The following MYO1D variants were observed in gnomAD, a reference collection of about 807,000 sequenced individuals.
MYO1D encodes the protein myosin ID, also known as unconventional myosin-Id.
MYO1D carries 83 observed loss-of-function variants against 122.0 expected under a neutral mutation model. The ratio of observed to expected loss-of-function variants is 0.68; its 90% CI spans 0.57 to 0.82. The LOEUF is 0.82. Among genes scored for constraint, MYO1D ranks in the 40% least tolerant of loss-of-function variants. The pLI is 0.00. For synonymous variants in MYO1D, 464 were observed against 446.9 expected, an observed-to-expected ratio of 1.04 and a Z score of -0.48; for missense variants, 1,157 against 1,269.5, an observed-to-expected ratio of 0.91 and a Z score of 1.35.
chr17:32,646,206 A>T (rs1461174688), intron 19 of MYO1D, among the ~76,000 whole-genome samples: 1 of 152,232 alleles, frequency 6.6e-6, no homozygotes. Context: ...AAATACTTTT[A>T]ACTATGAAAC....
chr17:32,802,570 AGAGT>A (rs2090469804), intron 1 of MYO1D, among the ~76,000 whole-genome samples: 1 of 152,332 alleles, frequency 6.6e-6, no homozygotes, highest in African/African-American at 2.4e-5. Flanking sequence ...TCTGTGGTTA[AGAGT>A]TAGTTTGACT....
chr17:32,744,869 T>C (rs921324549), intron 13 of MYO1D, among the ~76,000 whole-genome samples: 2 of 152,180 alleles, frequency 1.3e-5, no homozygotes, highest in African/African-American at 4.8e-5. Flanking sequence ...TATGCAAAAC[T>C]TCTAGCTGGG....
rs954925492 is a variant in MYO1D, at chr17:32,620,324, C to T, written c.2710-15083G>A. On this transcript the variant is annotated intron_variant, in intron 20 of 21. Coordinates refer to ENST00000318217, the MANE Select transcript of MYO1D (RefSeq NM_015194.3). Reference sequence around the variant, plus strand: ...GTGGAGGGCTAGGCTTTTCACTAGGCCTTTGCTGATGAGAGGTGGAGGTAT... The same window carrying T: ...GTGGAGGGCTAGGCTTTTCACTAGGTCTTTGCTGATGAGAGGTGGAGGTAT... Among the ~76,000 whole-genome samples, 3 of 152,136 alleles carry T rather than the reference C, an allele frequency of 2.0e-5. No homozygotes were observed. The East Asian group carries it at 5.8e-4, about 29-fold the overall frequency.
chr17:32,663,586 C>T (rs952081601), intron 16 of MYO1D, among the ~76,000 whole-genome samples: 4 of 152,134 alleles, frequency 2.6e-5, no homozygotes, highest in African/African-American at 9.7e-5. Flanking sequence ...GGAGCTTTTC[C>T]TTGGTTCGGC....
Position 32,557,603 on chromosome 17 carries a change from T to A in MYO1D, c.2864+47484A>T, listed in dbSNP as rs1195098712. ...GTCTCAACCTCACAGGTTCAAGCGA[T>A]CCTCCCGTTACCCACCCTCACCCCC... On this transcript the variant is annotated intron_variant, in intron 21 of 21. Coordinates refer to ENST00000318217, the MANE Select transcript of MYO1D (RefSeq NM_015194.3). 3.3e-5 allele frequency among the ~76,000 whole-genome samples: 5 copies of A among 151,928 alleles called. No homozygotes were observed. In the East Asian group the frequency reaches 9.7e-4, roughly 30 times the overall value.
intron 16 of MYO1D, among the ~76,000 whole-genome samples, chr17:32,691,998 T>C (rs1300750199): frequency 6.6e-6 from 1 of 152,202 alleles, no homozygotes; most frequent in Non-Finnish European, 1.5e-5. Flanking sequence ...CATATTTTTG[T>C]TCAGTTTTCT....
At chr17:32,698,394 CTTTTT>C (rs541546243) in intron 16 of MYO1D, among the ~76,000 whole-genome samples, 141 of 109,498 alleles carry the variant, frequency 1.3e-3, no homozygotes, top group Middle Eastern at 7.8e-3. Context: ...TCCTTCTTTT[CTTTTT>C]TAAGGACAAA....
chr17:32,828,072 A>G (rs369228526), intron 1 of MYO1D, among the ~76,000 whole-genome samples: 1 of 152,354 alleles, frequency 6.6e-6, no homozygotes, highest in East Asian at 1.9e-4. Context: ...GCACAATGAA[A>G]AACACTTCAA....
chr17:32,591,558 G>A (rs2087438733), intron 21 of MYO1D, among the ~76,000 whole-genome samples: 1 of 151,822 alleles, frequency 6.6e-6, no homozygotes, highest in African/African-American at 2.4e-5. Context: ...CCTTTTCTCT[G>A]AGCCTCAGCC....
chr17:32,520,915 G>A (rs1365370550), intron 21 of MYO1D, among the ~76,000 whole-genome samples: 3 of 152,210 alleles, frequency 2.0e-5, no homozygotes, highest in Non-Finnish European at 2.9e-5. Flanking sequence ...CTTTGCAGGC[G>A]GTATTGGGAA....
intron 21 of MYO1D, among the ~76,000 whole-genome samples, chr17:32,585,742 TA>T (rs5819989): frequency 0.13 from 14,940 of 112,268 alleles, 764 homozygotes; most frequent in Middle Eastern, 0.19. Context: ...CGTCTCAAAA[TA>T]AAAAAAAAAA....
intron 21 of MYO1D, among the ~76,000 whole-genome samples, chr17:32,528,389 T>G (rs938614175): frequency 2.1e-4 from 32 of 151,976 alleles, no homozygotes; most frequent in African/African-American, 7.7e-4. Context: ...TCCTCAGAAC[T>G]GGGAAGTTGA....
chr17:32,808,632 G>A (rs1487060022), intron 1 of MYO1D, among the ~76,000 whole-genome samples: 27 of 152,134 alleles, frequency 1.8e-4, no homozygotes, highest in Admixed American at 1.4e-3. Flanking sequence ...TATTTGGAGA[G>A]GGGGCCTTTG....
At position 32,590,040 on chromosome 17, in the gene MYO1D, A is replaced by T. The variant is rs141197442; in HGVS notation, c.2864+15047T>A. Among the ~76,000 whole-genome samples the T allele has an allele frequency of 8.9e-4, 135 of 152,324 alleles. 1 individual carries two copies. Among genetic ancestry groups the T allele is most frequent in the African/African-American group, 3.2e-3 (132 of 41,574 alleles). ...GAAAAATTATTTTGCATTCTTGAGCATGTATAGGCTAGGTGACATCTGTGT... is the reference window on the plus strand; with the variant it reads ...GAAAAATTATTTTGCATTCTTGAGCTTGTATAGGCTAGGTGACATCTGTGT... On this transcript the variant is annotated intron_variant, in intron 21 of 21. Coordinates refer to ENST00000318217, the MANE Select transcript of MYO1D (RefSeq NM_015194.3).
chr17:32,713,729 T>G (rs953544846), intron 15 of MYO1D, among the ~76,000 whole-genome samples: 1 of 152,134 alleles, frequency 6.6e-6, no homozygotes, highest in South Asian at 2.1e-4. Flanking sequence ...CCGGTCCAAG[T>G]GATTCTCCTG....
intron 21 of MYO1D, among the ~76,000 whole-genome samples, chr17:32,515,489 G>A (rs1397057933): frequency 2.0e-5 from 3 of 152,014 alleles, no homozygotes; most frequent in East Asian, 1.9e-4. Context: ...ACAGGGTCTC[G>A]CTTTGTTGCC....
intron 16 of MYO1D, among the ~76,000 whole-genome samples, chr17:32,707,032 T>C (rs1245698901): frequency 6.6e-6 from 1 of 152,010 alleles, no homozygotes; most frequent in Non-Finnish European, 1.5e-5. Context: ...GAAACCCAGA[T>C]GCTATGAAGA....
chr17:32,705,747 A>C (rs1302763814), intron 16 of MYO1D, among the ~76,000 whole-genome samples: 2 of 152,194 alleles, frequency 1.3e-5, no homozygotes, highest in Non-Finnish European at 2.9e-5. Context: ...CTCATCTTGA[A>C]TTGTAGCTCC....
rs1223475679 is a variant in MYO1D, at chr17:32,832,951, T to A, written c.95+43827A>T. On this transcript the variant is annotated intron_variant, in intron 1 of 21. Coordinates refer to ENST00000318217, the MANE Select transcript of MYO1D (RefSeq NM_015194.3). ...TCTCCCAAGGGACGTTTACATTATT[T>A]TAAAGTAGTGTTGTATATGGTACTC... is the stretch of plus-strand genomic sequence containing the variant. Among the ~76,000 whole-genome samples the A allele has an allele frequency of 5.9e-5, 9 of 152,226 alleles. No individual in the cohort carries two copies. In the South Asian group the frequency reaches 1.2e-3, roughly 21 times the overall value.
Sources: allele counts gnomAD v4.1 joint callset (sites outside exome capture counted in the v4.1 genomes callset), GRCh38; gene constraint gnomAD v4.1.1; transcripts MANE v1.5; gene names NCBI Gene and HGNC (gene_info 2026-07-23, HGNC 2026-07-21).